Variants in OR13C8 observed in about 807,000 individuals in gnomAD.
The protein encoded by OR13C8 is olfactory receptor 13C8.
For synonymous variants in OR13C8, 149 were observed against 143.6 expected (o/e 1.04, Z -0.27); for missense variants, 382 against 388.1 (o/e 0.98, Z 0.13).
In OR13C8 at chr9:104,569,344, G is replaced by C. The variant is rs893230520; in HGVS notation, c.177G>C (p.Met59Ile). ...IIFDSHLHTPMYFFLCNLSFL... is the reference protein window; with the variant it reads ...IIFDSHLHTPIYFFLCNLSFL... ...TTGATTCTCACCTGCACACCCCCATGTATTTCTTCCTCTGTAATCTTTCCT... is the reference window on the plus strand; with the variant it reads ...TTGATTCTCACCTGCACACCCCCATCTATTTCTTCCTCTGTAATCTTTCCT... The change falls in exon 1 of 1, where the codon ATG (methionine) becomes ATC (isoleucine). Residue 59 changes from methionine (M) to isoleucine (I), a missense_variant. By Grantham distance (10) the Met-to-Ile change is conservative (BLOSUM62 1). Transcript: ENST00000335040. 2.5e-6 allele frequency: 4 copies of C among 1,614,130 alleles called. No homozygotes were observed. Among genetic ancestry groups the C allele is most frequent in the Non-Finnish European group, 3.4e-6 (4 of 1,179,992 alleles).
In OR13C8 at chr9:104,569,357, T is replaced by A; in HGVS notation, c.190T>A (p.Cys64Ser). 1 of 1,614,212 alleles carries A rather than the reference T, an allele frequency of 6.2e-7. No individual in the cohort carries two copies. Among genetic ancestry groups the A allele is most frequent in the African/African-American group, 1.3e-5 (1 of 75,064 alleles). ...HLHTPMYFFL[C>S]NLSFLDVCYT... ...GCACACCCCCATGTATTTCTTCCTCTGTAATCTTTCCTTCCTCGACGTTTG... is the reference window on the plus strand; with the variant it reads ...GCACACCCCCATGTATTTCTTCCTCAGTAATCTTTCCTTCCTCGACGTTTG... Residue 64 changes from cysteine (C) to serine (S), a missense_variant, in exon 1 of 1, where the codon TGT (cysteine) becomes AGT (serine). Cys to Ser is a moderately radical substitution (Grantham distance 112). Coordinates refer to ENST00000335040, the MANE Select transcript of OR13C8 (RefSeq NM_001004483.1).
Position 104,569,988 on chromosome 9 carries a change from A to T in OR13C8, c.821A>T (p.Asp274Val), listed in dbSNP as rs779224140. Reference protein sequence around the residue: ...SKASVDSGNEDIIEALISLFY... With the variant: ...SKASVDSGNEVIIEALISLFY... ...GCCTCTGTTGATTCAGGTAATGAAG[A>T]CATCATTGAGGCCCTCATCTCCCTT... Residue 274 changes from aspartate (D) to valine (V), a missense_variant, in exon 1 of 1, where the codon GAC (aspartate) becomes GTC (valine). Asp to Val is a radical substitution (Grantham distance 152). Transcript: ENST00000335040. The T allele has an allele frequency of 2.2e-5, 35 of 1,614,070 alleles. No individual in the cohort carries two copies. The highest frequency in any genetic ancestry group is 6.7e-5 in the Admixed American group (4 of 60,016).
In OR13C8 at chr9:104,569,819, T is replaced by C; in HGVS notation, c.652T>C (p.Tyr218His). 1.9e-6 allele frequency: 3 copies of C among 1,614,114 alleles called. No homozygotes were observed. Among genetic ancestry groups the C allele is most frequent in the Non-Finnish European group, 2.5e-6 (3 of 1,179,976 alleles). Residue 218 changes from tyrosine to histidine, a missense_variant, in exon 1 of 1, where the codon TAC becomes CAC. Transcript: ENST00000335040. ...TCCATTGTTAGTAATTTCCATCTCT[T>C]ACATATTTATTGTTGCCACTATTCT... is the stretch of plus-strand genomic sequence containing the variant. ...VIPLLVISIS[Y>H]IFIVATILRI...
chr9:104,569,922 A>C lies in OR13C8; in HGVS notation c.755A>C (p.Tyr252Ser). Residue 252 changes from tyrosine (Y) to serine (S), a missense_variant, in exon 1 of 1, where the codon TAT (tyrosine) becomes TCT (serine). Transcript: ENST00000335040. ...CACCTGACAGTGGTGATTATATTCT[A>C]TGGAACCATCTTCTTCATGTACGCA... ...SAHLTVVIIF[Y>S]GTIFFMYAKP... is the part of the protein sequence containing the mutation. 1 of 1,614,164 alleles carries C rather than the reference A, an allele frequency of 6.2e-7. No individual in the cohort carries two copies. Among genetic ancestry groups the C allele is most frequent in the Non-Finnish European group, 8.5e-7 (1 of 1,180,032 alleles).
rs138955944 is a variant in OR13C8, at chr9:104,570,054, A to G, written c.887A>G (p.Tyr296Cys). 58 of 1,613,772 alleles carry G rather than the reference A, an allele frequency of 3.6e-5. No individual in the cohort carries two copies. The Middle Eastern group carries it at 4.9e-4, about 14-fold the overall frequency. The change falls in exon 1 of 1, where the codon TAT becomes TGT. Residue 296 changes from tyrosine to cysteine, a missense_variant. Physicochemically the swap from Tyr to Cys is radical, Grantham distance 194. Coordinates refer to ENST00000335040, the MANE Select transcript of OR13C8 (RefSeq NM_001004483.1). ...ACTCCCATGCTTAATCCTCTCATCT[A>G]TAGTCTGCGAAACAAGGATGTAAAG... Reference protein sequence around the residue: ...VMTPMLNPLIYSLRNKDVKAA... With the variant: ...VMTPMLNPLICSLRNKDVKAA...
In OR13C8 at chr9:104,570,069, A is replaced by C. The variant is rs762943598; in HGVS notation, c.902A>C (p.Lys301Thr). 1.6e-5 allele frequency: 25 copies of C among 1,612,712 alleles called. No individual in the cohort carries two copies. In the Admixed American group the frequency reaches 3.5e-4, roughly 23 times the overall value. ...CCTCTCATCTATAGTCTGCGAAACA[A>C]GGATGTAAAGGCTGCTGTCAAAAAC... ...LNPLIYSLRN[K>T]DVKAAVKNIL... The change falls in exon 1 of 1, where the codon AAG becomes ACG. Residue 301 changes from lysine (K) to threonine (T), a missense_variant. Transcript: ENST00000335040.
Position 104,569,679 on chromosome 9 carries a change from A to G in OR13C8, c.512A>G (p.Asn171Ser). The change falls in exon 1 of 1, where the codon AAT becomes AGT. Residue 171 changes from asparagine to serine, a missense_variant. Asn to Ser is a conservative substitution (Grantham distance 46). Coordinates refer to ENST00000335040, the MANE Select transcript of OR13C8 (RefSeq NM_001004483.1). ...GCAATGCAGTTACCATTCTGTGCTA[A>G]TAATGTCATTAAACATTTTGTCTGT... ...AFAMQLPFCANNVIKHFVCEI... is the reference protein window; with the variant it reads ...AFAMQLPFCASNVIKHFVCEI... 1 of 1,614,210 alleles carries G rather than the reference A, an allele frequency of 6.2e-7. No individual in the cohort carries two copies. The highest frequency in any genetic ancestry group is 8.5e-7 in the Non-Finnish European group (1 of 1,180,038).
chr9:104,569,655 C>T lies in OR13C8; in HGVS notation c.488C>T (p.Ala163Val). The stretch of plus-strand genomic sequence containing the variant: ...GACTCAGTAGTGCAGACAGCTTTTG[C>T]AATGCAGTTACCATTCTGTGCTAAT... ...LVDSVVQTAF[A>V]MQLPFCANNV... Residue 163 changes from alanine (A) to valine (V), a missense_variant, in exon 1 of 1, where the codon GCA (alanine) becomes GTA (valine). By Grantham distance (64) the Ala-to-Val change is moderately conservative. Transcript: ENST00000335040. 1 of 1,614,060 alleles carries T rather than the reference C, an allele frequency of 6.2e-7. No individual in the cohort carries two copies. The highest frequency in any genetic ancestry group is 8.5e-7 in the Non-Finnish European group (1 of 1,180,022).
chr9:104,569,840 A>C lies in OR13C8; in HGVS notation c.673A>C (p.Ile225Leu). 1.9e-6 allele frequency: 3 copies of C among 1,614,124 alleles called. No individual in the cohort carries two copies. Among genetic ancestry groups the C allele is most frequent in the Non-Finnish European group, 8.5e-7 (1 of 1,179,994 alleles). The change falls in exon 1 of 1, where the codon ATT becomes CTT. Residue 225 changes from isoleucine to leucine, a missense_variant. By Grantham distance (5) the Ile-to-Leu change is conservative. Transcript: ENST00000335040. ...SISYIFIVAT[I>L]LRIPSTEGKH... ...CTCTTACATATTTATTGTTGCCACT[A>C]TTCTGAGGATTCCTTCCACTGAAGG...
rs749421302 is a variant in OR13C8 at position 104,569,908 on chromosome 9, G to A, written c.741G>A (p.Val247=). The A allele has an allele frequency of 1.9e-6, 3 of 1,614,166 alleles. No homozygotes were observed. Among genetic ancestry groups the A allele is most frequent in the Non-Finnish European group, 2.5e-6 (3 of 1,180,018 alleles). The stretch of plus-strand genomic sequence containing the variant: ...CCACCTGCTCAGCCCACCTGACAGT[G>A]GTGATTATATTCTATGGAACCATCT... ...AFSTCSAHLT[V]VIIFYGTIFF... The change falls in exon 1 of 1, where the codon GTG becomes GTA. Residue 247 remains valine, a synonymous_variant. Coordinates refer to ENST00000335040, the MANE Select transcript of OR13C8 (RefSeq NM_001004483.1).
rs142090161 is a variant in OR13C8, at chr9:104,569,441, G to C, written c.274G>C (p.Val92Leu). 1.4e-4 allele frequency: 220 copies of C among 1,614,170 alleles called. 3 individuals are homozygous for C. In the East Asian group the frequency reaches 4.8e-3, roughly 35 times the overall value. Reference sequence around the variant, plus strand: ...CAGCTTTCTGGCAGTAAAGAAAAAGGTTTCCTTCTCTGGGTGTATGGTGCA... The same window carrying C: ...CAGCTTTCTGGCAGTAAAGAAAAAGCTTTCCTTCTCTGGGTGTATGGTGCA... ...LASFLAVKKK[V>L]SFSGCMVQMF... Residue 92 changes from valine (V) to leucine (L), a missense_variant, in exon 1 of 1, where the codon GTT (valine) becomes CTT (leucine). Physicochemically the swap from Val to Leu is conservative, Grantham distance 32. Coordinates refer to ENST00000335040, the MANE Select transcript of OR13C8 (RefSeq NM_001004483.1).
rs867857374 is a variant in OR13C8 at position 104,569,480 on chromosome 9, T to G, written c.313T>G (p.Phe105Val). 1 of 1,614,074 alleles carries G rather than the reference T, an allele frequency of 6.2e-7. No homozygotes were observed. The highest frequency in any genetic ancestry group is 1.3e-5 in the African/African-American group (1 of 74,928). Reference sequence around the variant, plus strand: ...GTGTATGGTGCAAATGTTTATTTCTTTTGCCATGGGGGCCACGGAGTGCAT... The same window carrying G: ...GTGTATGGTGCAAATGTTTATTTCTGTTGCCATGGGGGCCACGGAGTGCAT... ...SGCMVQMFISFAMGATECMIL... is the reference protein window; with the variant it reads ...SGCMVQMFISVAMGATECMIL... The change falls in exon 1 of 1, where the codon TTT becomes GTT. Residue 105 changes from phenylalanine to valine, a missense_variant. By Grantham distance (50) the Phe-to-Val change is conservative. Transcript: ENST00000335040.
At position 104,569,837 on chromosome 9, in the gene OR13C8, A is replaced by G. The variant is rs879240086; in HGVS notation, c.670A>G (p.Thr224Ala). The change falls in exon 1 of 1, where the codon ACT becomes GCT. Residue 224 changes from threonine (T) to alanine (A), a missense_variant. Physicochemically the swap from Thr to Ala is moderately conservative, Grantham distance 58. Transcript: ENST00000335040. ...CATCTCTTACATATTTATTGTTGCC[A>G]CTATTCTGAGGATTCCTTCCACTGA... ...ISISYIFIVA[T>A]ILRIPSTEGK... 6.2e-7 allele frequency: 1 copy of G among 1,614,104 alleles called. No homozygotes were observed. The highest frequency in any genetic ancestry group is 1.7e-5 in the Admixed American group (1 of 60,016).
At position 104,569,560 on chromosome 9, in the gene OR13C8, A is replaced by T. The variant is rs199883494; in HGVS notation, c.393A>T (p.Arg131Ser). The change falls in exon 1 of 1, where the codon AGA (arginine) becomes AGT (serine). Residue 131 changes from arginine to serine, a missense_variant. By Grantham distance (110) the Arg-to-Ser change is moderately radical. Coordinates refer to ENST00000335040, the MANE Select transcript of OR13C8 (RefSeq NM_001004483.1). ...DRYVAICYPLRYPVIMSKGAY... is the reference protein window; with the variant it reads ...DRYVAICYPLSYPVIMSKGAY... ...ATGTGGCCATCTGCTACCCACTGAG[A>T]TACCCTGTCATCATGAGCAAGGGTG... The T allele has an allele frequency of 2.5e-6, 4 of 1,614,206 alleles. No homozygotes were observed. The Admixed American group carries it at 6.7e-5, about 27-fold the overall frequency.
At position 104,569,904 on chromosome 9, in the gene OR13C8, C is replaced by A; in HGVS notation, c.737C>A (p.Thr246Lys). Residue 246 changes from threonine to lysine, a missense_variant, in exon 1 of 1, where the codon ACA becomes AAA. Coordinates refer to ENST00000335040, the MANE Select transcript of OR13C8 (RefSeq NM_001004483.1). ...KAFSTCSAHLTVVIIFYGTIF... is the reference protein window; with the variant it reads ...KAFSTCSAHLKVVIIFYGTIF... ...TTCTCCACCTGCTCAGCCCACCTGA[C>A]AGTGGTGATTATATTCTATGGAACC... is the stretch of plus-strand genomic sequence containing the variant. 1 of 1,614,196 alleles carries A rather than the reference C, an allele frequency of 6.2e-7. No individual in the cohort carries two copies. The highest frequency in any genetic ancestry group is 2.2e-5 in the East Asian group (1 of 44,874).
rs760815937 is a variant in OR13C8 at position 104,569,661 on chromosome 9, A to T, written c.494A>T (p.Gln165Leu). Residue 165 changes from glutamine (Q) to leucine (L), a missense_variant, in exon 1 of 1, where the codon CAG becomes CTG. By Grantham distance (113) the Gln-to-Leu change is moderately radical (BLOSUM62 -2). Transcript: ENST00000335040. ...DSVVQTAFAMQLPFCANNVIK... is the reference protein window; with the variant it reads ...DSVVQTAFAMLLPFCANNVIK... ...GTAGTGCAGACAGCTTTTGCAATGCAGTTACCATTCTGTGCTAATAATGTC... is the reference window on the plus strand; with the variant it reads ...GTAGTGCAGACAGCTTTTGCAATGCTGTTACCATTCTGTGCTAATAATGTC... 6.2e-7 allele frequency: 1 copy of T among 1,614,022 alleles called. No homozygotes were observed. The highest frequency in any genetic ancestry group is 1.3e-5 in the African/African-American group (1 of 74,928).
rs137950112 is a variant in OR13C8 at position 104,570,129 on chromosome 9, G to T, written c.962G>T (p.Ter321LeuextTer?). The change falls in exon 1 of 1, where the codon TGA (stop) becomes TTA (leucine). Residue 321 changes from the stop codon to leucine, a stop_lost. Coordinates refer to ENST00000335040, the MANE Select transcript of OR13C8 (RefSeq NM_001004483.1). Reference sequence around the variant, plus strand: ...AGGAAAAACTTTTCTGATGGAAAATGAATACTGATTTATACTACATGACTT... The same window carrying T: ...AGGAAAAACTTTTCTGATGGAAAATTAATACTGATTTATACTACATGACTT... Reference protein sequence around the residue: ...LCRKNFSDGK* With the variant: ...LCRKNFSDGKL 11 of 1,590,760 alleles carry T rather than the reference G, an allele frequency of 6.9e-6. No homozygotes were observed. The highest frequency in any genetic ancestry group is 1.7e-4 in the Middle Eastern group (1 of 5,942).
rs976032443 is a variant in OR13C8 at position 104,569,974 on chromosome 9, T to G, written c.807T>G (p.Asp269Glu). The G allele has an allele frequency of 6.2e-7, 1 of 1,614,234 alleles. No individual in the cohort carries two copies. The highest frequency in any genetic ancestry group is 1.7e-5 in the Admixed American group (1 of 60,030). Reference sequence around the variant, plus strand: ...AGCCTGAGTCTAAAGCCTCTGTTGATTCAGGTAATGAAGACATCATTGAGG... The same window carrying G: ...AGCCTGAGTCTAAAGCCTCTGTTGAGTCAGGTAATGAAGACATCATTGAGG... Reference protein sequence around the residue: ...YAKPESKASVDSGNEDIIEAL... With the variant: ...YAKPESKASVESGNEDIIEAL... Residue 269 changes from aspartate (D) to glutamate (E), a missense_variant, in exon 1 of 1, where the codon GAT becomes GAG. Coordinates refer to ENST00000335040, the MANE Select transcript of OR13C8 (RefSeq NM_001004483.1).
In OR13C8 at chr9:104,569,527, G is replaced by A. The variant is rs772992048; in HGVS notation, c.360G>A (p.Leu120=). Residue 120 remains leucine (L), a synonymous_variant, in exon 1 of 1, where the codon CTG becomes CTA. Transcript: ENST00000335040. The part of the protein sequence containing the change: ...TECMILGTMA[L]DRYVAICYPL... ...GCATGATCTTAGGCACGATGGCACTGGACCGCTATGTGGCCATCTGCTACC... is the reference window on the plus strand; with the variant it reads ...GCATGATCTTAGGCACGATGGCACTAGACCGCTATGTGGCCATCTGCTACC... 5.6e-6 allele frequency: 9 copies of A among 1,614,040 alleles called. No individual in the cohort carries two copies. Among genetic ancestry groups the A allele is most frequent in the African/African-American group, 1.3e-5 (1 of 74,924 alleles).
Sources: gnomAD v4.1 joint callset for allele counts on GRCh38, gnomAD v4.1.1 for gene constraint, MANE v1.5 for transcripts, NCBI Gene and HGNC (gene_info 2026-07-23, HGNC 2026-07-21) for gene names.